Variants in CACNA1G observed in about 807,000 individuals in gnomAD.
The protein encoded by CACNA1G is voltage-dependent T-type calcium channel subunit alpha-1G.
CACNA1G carries 67 observed loss-of-function variants against 219.4 expected under a neutral mutation model. The ratio of observed to expected loss-of-function variants is 0.31; its 90% CI spans 0.25 to 0.37. The LOEUF (loss-of-function observed/expected upper bound fraction) is 0.37, where lower values mean the gene tolerates loss of function less well. Ranked by LOEUF, CACNA1G falls within the 10% of genes least tolerant of loss-of-function variation. The pLI, the probability that CACNA1G is intolerant of heterozygous loss-of-function variation, is 1.00. For missense variants in CACNA1G, 2,380 were observed against 3,231.4 expected (o/e 0.74, Z 6.39); for synonymous variants, 1,296 against 1,345.3 (o/e 0.96, Z 0.80).
At chr17:50,597,614 C>A (rs987329303) in intron 16 of CACNA1G, among the ~76,000 whole-genome samples, 3 of 152,176 alleles carry the variant, frequency 2.0e-5, no homozygotes, top group Admixed American at 2.0e-4. Flanking sequence ...CATCACTTCA[C>A]ATACTTATTT....
intron 9 of CACNA1G, among the ~76,000 whole-genome samples, chr17:50,582,730 G>GCTAGT (rs1266466836): frequency 6.6e-6 from 1 of 152,038 alleles, no homozygotes; most frequent in Non-Finnish European, 1.5e-5. Flanking sequence ...GGGGACAGGT[G>GCTAGT]CTAGTCTAAT....
At position 50,618,935 on chromosome 17, in the gene CACNA1G, G is replaced by A. The variant is rs375334768; in HGVS notation, c.5708G>A (p.Ser1903Asn). Residue 1903 changes from serine to asparagine, a missense_variant, in exon 33 of 38, where the codon AGC becomes AAC. By Grantham distance (46) the Ser-to-Asn change is conservative. Coordinates refer to ENST00000359106, the MANE Select transcript of CACNA1G (RefSeq NM_018896.5). The surrounding 1 kb of genome is among the most constrained non-coding windows in gnomAD (Gnocchi z 5.3). Reference protein sequence around the residue: ...PGVEGPDSPDSPKPGALHPAA... With the variant: ...PGVEGPDSPDNPKPGALHPAA... ...GTCGAGGGCCCCGACAGCCCCGACA[G>A]CCCCAAGCCTGGGGCTCTGCACCCA... 8 of 1,601,188 alleles carry A rather than the reference G, an allele frequency of 5.0e-6. No homozygotes were observed. The highest frequency in any genetic ancestry group is 4.5e-5 in the East Asian group (2 of 44,664).
Position 50,601,044 on chromosome 17 carries a change from T to G in CACNA1G, c.3792-7T>G. 6.2e-7 allele frequency: 1 copy of G among 1,613,522 alleles called. No homozygotes were observed. The highest frequency in any genetic ancestry group is 8.5e-7 in the Non-Finnish European group (1 of 1,179,658). ...CCCTCTCAGCCGTTGCCTCCATGCC[T>G]GGGCAGGTTCCGCCTCCTGTGTCAC... On this transcript the variant is annotated splice_polypyrimidine_tract_variant and splice_region_variant and intron_variant, in intron 18 of 37. Transcript: ENST00000359106.
intron 37 of CACNA1G, among the ~76,000 whole-genome samples, chr17:50,625,578 C>T (rs2053565300): frequency 6.6e-6 from 1 of 152,184 alleles, no homozygotes. Context: ...GAGACTGTCA[C>T]ACACTGTGTC....
rs2146264420 is a variant in CACNA1G at position 50,617,423 on chromosome 17, T to C, written c.5022-15T>C. 2.5e-6 allele frequency: 4 copies of C among 1,610,626 alleles called. No individual in the cohort carries two copies. The East Asian group carries it at 8.9e-5, about 36-fold the overall frequency. ...CCCTCCCCCAACTCAGGGAGCTGTA[T>C]TCTGGGCTTTCCAGGTGGAACCAGC... On this transcript the variant is annotated splice_polypyrimidine_tract_variant and intron_variant, in intron 28 of 37. Transcript: ENST00000359106. This position sits in a 1 kb window ranked among gnomAD's most constrained non-coding sequence, Gnocchi z 5.8.
intron 1 of CACNA1G, 128 bp from the exon 2 acceptor site, chr17:50,568,742 G>C: frequency 1.4e-6 from 1 of 733,828 alleles, no homozygotes; most frequent in South Asian, 1.5e-5. Context: ...TGTATGTCAG[G>C]GCCCTGGCAC....
rs2041175385 is a variant in CACNA1G at position 50,578,357 on chromosome 17, G to C, written c.2094G>C (p.Gln698His). The C allele has an allele frequency of 6.2e-7, 1 of 1,613,120 alleles. No individual in the cohort carries two copies. Among genetic ancestry groups the C allele is most frequent in the African/African-American group, 1.3e-5 (1 of 74,976 alleles). ...GCGAGGCAGTTTATGAGTTCACACAGGATGCCCAGCACAGCGACCTCCGGG... is the reference window on the plus strand; with the variant it reads ...GCGAGGCAGTTTATGAGTTCACACACGATGCCCAGCACAGCGACCTCCGGG... ...SDSEAVYEFT[Q>H]DAQHSDLRDP... Residue 698 changes from glutamine (Q) to histidine (H), a missense_variant, in exon 9 of 38, where the codon CAG (glutamine) becomes CAC (histidine). Physicochemically the swap from Gln to His is conservative, Grantham distance 24 (BLOSUM62 0). This residue lies in a region of CACNA1G where 434 missense variants were observed against 417.3 expected (regional missense o/e 1.04). Transcript: ENST00000359106. The surrounding 1 kb of genome is among the most constrained non-coding windows in gnomAD (Gnocchi z 4.5).
rs3062844 is a variant in CACNA1G at position 50,570,557 on chromosome 17, C to CTGTGTGTGTGTG, written c.586+775_586+786dup. ...TGATGTAGCAGCAGCCCCCTGCGCTCTGTGTGTGTGTGTGTGTGTGTGTGT... is the reference window on the plus strand; with the variant it reads ...TGATGTAGCAGCAGCCCCCTGCGCTCTGTGTGTGTGTGTGTGTGTGTGTGTGTGTGTGTGTGT... On this transcript the variant is annotated intron_variant, in intron 4 of 37. Coordinates refer to ENST00000359106, the MANE Select transcript of CACNA1G (RefSeq NM_018896.5). 9.4e-3 allele frequency among the ~76,000 whole-genome samples: 1,242 copies of CTGTGTGTGTGTG among 132,672 alleles called. 22 individuals carry two copies. Among genetic ancestry groups the CTGTGTGTGTGTG allele is most frequent in the Middle Eastern group, 0.029 (8 of 272 alleles). 87.0% of individuals were successfully genotyped at this position (132,672 alleles called of 152,430 possible). A position where few individuals can be genotyped will look rare whatever the true frequency, so the allele number is the denominator to read the frequency against.
rs2043439174 is a variant in CACNA1G at position 50,588,397 on chromosome 17, T to C, written c.2302-2074T>C. Among the ~76,000 whole-genome samples the C allele has an allele frequency of 2.0e-5, 3 of 152,224 alleles. No individual in the cohort carries two copies. In the South Asian group the frequency reaches 6.2e-4, roughly 31 times the overall value. ...GCGGTCCATGTTCATTTTAATCTAATCCAAGGCCCGAAAACACGGCGAGTG... is the reference window on the plus strand; with the variant it reads ...GCGGTCCATGTTCATTTTAATCTAACCCAAGGCCCGAAAACACGGCGAGTG... On this transcript the variant is annotated intron_variant, in intron 9 of 37. Coordinates refer to ENST00000359106, the MANE Select transcript of CACNA1G (RefSeq NM_018896.5).
At chr17:50,569,343 C>T in intron 3 of CACNA1G, 45 bp downstream of exon 3, 1 of 1,602,348 alleles carries the variant, frequency 6.2e-7, no homozygotes, top group Non-Finnish European at 8.5e-7. Flanking sequence ...TCAGATCGGT[C>T]CCTTCCCCGG....
intron 9 of CACNA1G, among the ~76,000 whole-genome samples, chr17:50,586,548 C>T (rs1399966740): frequency 6.6e-6 from 1 of 152,208 alleles, no homozygotes. Context: ...TGTTTAGTTG[C>T]AGCCTTGCAG....
intron 9 of CACNA1G, among the ~76,000 whole-genome samples, chr17:50,586,650 G>A (rs8071232): frequency 0.12 from 18,349 of 152,212 alleles, 3,732 homozygotes; most frequent in African/African-American, 0.42. Flanking sequence ...CTCCCAGGAG[G>A]TAGTGTTACC....
rs774336893 is a variant in CACNA1G, at chr17:50,575,736, G to A, written c.1334G>A (p.Arg445His). ...CTCAAGTACCTGGTGTACATCCTTC[G>A]TAAGGCAGCCCGCAGGCTGGCTCAG... ...ELLKYLVYIL[R>H]KAARRLAQVS... The change falls in exon 8 of 38, where the codon CGT becomes CAT. Residue 445 changes from arginine (R) to histidine (H), a missense_variant. Transcript: ENST00000359106. 2.3e-5 allele frequency: 37 copies of A among 1,583,860 alleles called. No individual in the cohort carries two copies. The highest frequency in any genetic ancestry group is 1.9e-4 in the East Asian group (8 of 43,156).
At chr17:50,574,292 G>C (rs573791294) in intron 7 of CACNA1G, among the ~76,000 whole-genome samples, 3 of 152,212 alleles carry the variant, frequency 2.0e-5, no homozygotes, top group African/African-American at 7.2e-5. Context: ...GAGAGAAAGA[G>C]ATTAAGAAAG....
At chr17:50,595,699 C>T (rs754975435) in intron 14 of CACNA1G, among the ~76,000 whole-genome samples, 24 of 152,272 alleles carry the variant, frequency 1.6e-4, no homozygotes, top group Non-Finnish European at 2.9e-4. Flanking sequence ...TCTGCTGTTC[C>T]CTGCCCCAGC....
intron 34 of CACNA1G, among the ~76,000 whole-genome samples, 159 bp downstream of exon 34, chr17:50,619,985 T>C (rs1018933617): frequency 1.3e-5 from 2 of 152,172 alleles, no homozygotes; most frequent in African/African-American, 4.8e-5. Flanking sequence ...AGTCAGGGGT[T>C]CTTCTAGACT....
At position 50,575,690 on chromosome 17, in the gene CACNA1G, G is replaced by A. The variant is rs1598151147; in HGVS notation, c.1288G>A (p.Gly430Ser). Residue 430 changes from glycine to serine, a missense_variant, in exon 8 of 38, where the codon GGC becomes AGC. Physicochemically the swap from Gly to Ser is moderately conservative, Grantham distance 56. Around this residue, in one of 17 missense-constraint regions of CACNA1G, gnomAD observed 72 missense variants for 175.8 expected, o/e 0.41. Transcript: ENST00000359106. ...CACCCTGGCTAGCTTCTCTGAGCCC[G>A]GCAGCTGCTATGAGGAGCTGCTCAA... is the stretch of plus-strand genomic sequence containing the variant. ...ASTLASFSEPGSCYEELLKYL... is the reference protein window; with the variant it reads ...ASTLASFSEPSSCYEELLKYL... The A allele has an allele frequency of 1.9e-6, 3 of 1,609,654 alleles. No individual in the cohort carries two copies. Among genetic ancestry groups the A allele is most frequent in the South Asian group, 1.1e-5 (1 of 90,310 alleles).
At position 50,601,051 on chromosome 17, in the gene CACNA1G, G is replaced by T. The variant is rs200024646; in HGVS notation, c.3792G>T (p.Arg1264Ser). ...WSAYIFPPQS[R>S]FRLLCHRIIT... is the part of the protein sequence containing the mutation. The stretch of plus-strand genomic sequence containing the variant: ...AGCCGTTGCCTCCATGCCTGGGCAG[G>T]TTCCGCCTCCTGTGTCACCGGATCA... Residue 1264 changes from arginine to serine, a missense_variant and splice_region_variant, in exon 19 of 38, where the codon AGG (arginine) becomes AGT (serine). By Grantham distance (110) the Arg-to-Ser change is moderately radical. Around this residue, in one of 17 missense-constraint regions of CACNA1G, gnomAD observed 418 missense variants for 434.3 expected, o/e 0.96. Transcript: ENST00000359106. 4.7e-5 allele frequency: 76 copies of T among 1,613,676 alleles called. No individual in the cohort carries two copies. Among genetic ancestry groups the T allele is most frequent in the East Asian group, 8.9e-5 (4 of 44,874 alleles).
rs369777743 is a variant in CACNA1G, at chr17:50,619,849, C to A, written c.5925+23C>A. On this transcript the variant is annotated intron_variant, in intron 34 of 37. Coordinates refer to ENST00000359106, the MANE Select transcript of CACNA1G (RefSeq NM_018896.5). ...CAGGTTACTGTGCCCCTGTGCTGTG[C>A]CCTCTCCCCTGACCGTGCTGGGCTG... 1.8e-4 allele frequency: 279 copies of A among 1,587,610 alleles called. No homozygotes were observed. In the African/African-American group the frequency reaches 3.4e-3, roughly 19 times the overall value.
Sources: gnomAD v4.1 joint callset for allele counts (sites outside exome capture counted in the v4.1 genomes callset) on GRCh38, gnomAD v4.1.1 for gene constraint, gnomAD v4.1.1 regional missense constraint, Gnocchi (gnomAD v3.1) non-coding constraint, MANE v1.5 for transcripts, NCBI Gene and HGNC (gene_info 2026-07-23, HGNC 2026-07-21) for gene names.